SVOP: variants seen among roughly 807,000 people sequenced by gnomAD.
SVOP encodes SV2 related protein.
Under a neutral mutation model 69.1 loss-of-function variants are expected in SVOP, and 17 were observed. The observed-to-expected ratio is 0.25, with a 90% confidence interval of 0.17 to 0.37. The LOEUF (loss-of-function observed/expected upper bound fraction) is 0.37, where lower values mean the gene tolerates loss of function less well. Ranked by LOEUF, SVOP falls within the 10% of genes least tolerant of loss-of-function variation. The pLI is 1.00. For synonymous variants in SVOP, 238 were observed against 238.6 expected, an observed-to-expected ratio of 1.00 and a Z score of 0.02; for missense variants, 435 against 597.5, an observed-to-expected ratio of 0.73 and a Z score of 2.84.
At chr12:108,975,466 C>T (rs1320382077) in intron 4 of SVOP, among the ~76,000 whole-genome samples, 1 of 152,226 alleles carries the variant, frequency 6.6e-6, no homozygotes, top group Non-Finnish European at 1.5e-5. Context: ...CTGCCTCTTA[C>T]AGGCTGTCTG....
At chr12:108,941,857 G>A (rs1210417574) in intron 7 of SVOP, among the ~76,000 whole-genome samples, 1 of 151,720 alleles carries the variant, frequency 6.6e-6, no homozygotes, top group African/African-American at 2.4e-5. Flanking sequence ...TAGAGACGGG[G>A]TTTCACCATG....
chr12:108,957,686 T>C (rs536673566), intron 6 of SVOP, among the ~76,000 whole-genome samples: 15 of 152,336 alleles, frequency 9.8e-5, no homozygotes, highest in African/African-American at 3.1e-4. Context: ...TGGTGTTAAA[T>C]GGACAAGCGC....
chr12:109,005,635 T>C (rs1223337982), intron 1 of SVOP, among the ~76,000 whole-genome samples: 1 of 152,154 alleles, frequency 6.6e-6, no homozygotes, highest in Non-Finnish European at 1.5e-5. Context: ...GGGACAGCAG[T>C]GGTACCCAAG....
chr12:108,940,050 G>A (rs960310241), intron 8 of SVOP, among the ~76,000 whole-genome samples: 1 of 152,114 alleles, frequency 6.6e-6, no homozygotes, highest in Admixed American at 6.6e-5. Context: ...CTGAACTTGT[G>A]GGCTTTATTT....
At chr12:108,946,289 G>A (rs2039922511) in intron 6 of SVOP, among the ~76,000 whole-genome samples, 2 of 151,554 alleles carry the variant, frequency 1.3e-5, no homozygotes, top group African/African-American at 4.8e-5. Context: ...TTGTGGAGAT[G>A]AGGTCTCACT....
intron 5 of SVOP, 54 bp downstream of exon 5, chr12:108,972,351 C>A: frequency 6.6e-7 from 1 of 1,516,544 alleles, no homozygotes; most frequent in Non-Finnish European, 8.9e-7. Context: ...CTTGTCCAGA[C>A]CATCACCAAG....
At chr12:108,945,555 C>A (rs1426564506) in intron 6 of SVOP, among the ~76,000 whole-genome samples, 2 of 151,978 alleles carry the variant, frequency 1.3e-5, no homozygotes, top group African/African-American at 2.4e-5. Flanking sequence ...CCACTCCTGG[C>A]TAATTATTAT....
At chr12:108,979,793 A>G (rs2040126712) in intron 2 of SVOP, among the ~76,000 whole-genome samples, 1 of 151,910 alleles carries the variant, frequency 6.6e-6, no homozygotes, top group Non-Finnish European at 1.5e-5. Context: ...TTAATGTCTG[A>G]ATGCTTTCCA....
rs897510504 is a variant in SVOP at position 108,909,624 on chromosome 12, T to C, written c.*2911A>G. 5 of 152,224 alleles carry C rather than the reference T, an allele frequency of 3.3e-5. No homozygotes were observed. Among genetic ancestry groups the C allele is most frequent in the Non-Finnish European group, 5.9e-5 (4 of 68,044 alleles). The allele number at this position is 152,224 out of a possible 1,614,324, so 9.4% of individuals were successfully genotyped here. A position where few individuals can be genotyped will look rare whatever the true frequency, so the allele number is the denominator to read the frequency against. On this transcript the variant is annotated 3_prime_UTR_variant, in exon 16 of 16. Transcript: ENST00000610966. ...CTAATTTCAAAGTCAATTCCTAAGA[T>C]ACTGTTTCATCCCATTGTGAACACC...
intron 1 of SVOP, among the ~76,000 whole-genome samples, chr12:109,016,632 C>G (rs2040369159): frequency 6.6e-6 from 1 of 152,038 alleles, no homozygotes; most frequent in Non-Finnish European, 1.5e-5. Context: ...TCTCTTTTTC[C>G]TGAAATCATA....
chr12:108,938,077 G>C (rs957701038), intron 9 of SVOP, among the ~76,000 whole-genome samples: 6 of 152,160 alleles, frequency 3.9e-5, no homozygotes, highest in African/African-American at 1.4e-4. Context: ...AGGTCCCCTG[G>C]ACTCTATGTT....
rs2040018461 is a variant in SVOP at position 108,961,674 on chromosome 12, G to A, written c.454-627C>T. On this transcript the variant is annotated intron_variant, in intron 5 of 15. Transcript: ENST00000610966. ...ACTGATCTAAACCTTATTTTAAAAG[G>A]TCAAATGTAAAGAAAAACCATCAAC... 2.6e-5 allele frequency among the ~76,000 whole-genome samples: 4 copies of A among 152,230 alleles called. No individual in the cohort carries two copies. In the South Asian group the frequency reaches 8.3e-4, roughly 32 times the overall value.
intron 5 of SVOP, among the ~76,000 whole-genome samples, chr12:108,970,329 T>A (rs2040071335): frequency 6.6e-6 from 1 of 152,224 alleles, no homozygotes; most frequent in African/African-American, 2.4e-5. Flanking sequence ...AGTTGCCCAC[T>A]CTCCGTGCCT....
intron 1 of SVOP, among the ~76,000 whole-genome samples, chr12:108,997,637 A>C (rs1805600732): frequency 6.6e-6 from 1 of 151,386 alleles, no homozygotes. Context: ...CTGCCTCCTC[A>C]AGTGGGTCCC....
At chr12:108,999,822 G>A (rs1220644466) in intron 1 of SVOP, among the ~76,000 whole-genome samples, 1 of 150,900 alleles carries the variant, frequency 6.6e-6, no homozygotes, top group Non-Finnish European at 1.5e-5. Context: ...AGTGTGTAGA[G>A]GGAAATTTAT....
chr12:108,965,809 G>A (rs1281849906), intron 5 of SVOP, among the ~76,000 whole-genome samples: 7 of 152,110 alleles, frequency 4.6e-5, no homozygotes, highest in African/African-American at 9.7e-5. Flanking sequence ...GAGTCCGAGC[G>A]CCTGCCAGGC....
At chr12:108,925,324 C>CG (rs148383346) in intron 11 of SVOP, among the ~76,000 whole-genome samples, 11,565 of 152,158 alleles carry the variant, frequency 0.076, 556 homozygotes, top group Non-Finnish European at 0.097. Flanking sequence ...TTTACCGTGC[C>CG]GGGGGAGGTT....
intron 1 of SVOP, among the ~76,000 whole-genome samples, chr12:109,010,052 G>T (rs1326562231): frequency 1.3e-5 from 2 of 149,706 alleles, no homozygotes; most frequent in African/African-American, 4.9e-5. Flanking sequence ...GAGCCCAGGA[G>T]TTTGAAGGCT....
intron 5 of SVOP, among the ~76,000 whole-genome samples, chr12:108,969,233 C>T (rs2040064345): frequency 6.6e-6 from 1 of 151,780 alleles, no homozygotes; most frequent in African/African-American, 2.4e-5. Flanking sequence ...TCTCTCCTTC[C>T]TTCCCTCCTC....
Sources: allele counts gnomAD v4.1 joint callset (sites outside exome capture counted in the v4.1 genomes callset), GRCh38; gene constraint gnomAD v4.1.1; transcripts MANE v1.5; gene names NCBI Gene and HGNC (gene_info 2026-07-23, HGNC 2026-07-21).